TNRC6A: variants seen among roughly 807,000 people sequenced by gnomAD.
TNRC6A encodes the protein trinucleotide repeat-containing gene 6A protein.
Under a neutral mutation model 221.2 loss-of-function variants are expected in TNRC6A, and 44 were observed. The observed-to-expected ratio is 0.20, with a 90% CI of 0.16 to 0.26. The LOEUF is 0.26. TNRC6A is among the 10% of genes least tolerant of loss of function. The pLI, the probability that TNRC6A is intolerant of heterozygous loss-of-function variation, is 1.00. For synonymous variants in TNRC6A, 847 were observed against 838.5 expected (o/e 1.01, Z -0.18); for missense variants, 2,199 against 2,404.4 (o/e 0.91, Z 1.79).
At chr16:24,757,520 A>G (rs1004707854) in intron 3 of TNRC6A, among the ~76,000 whole-genome samples, 1 of 152,168 alleles carries the variant, frequency 6.6e-6, no homozygotes, top group Non-Finnish European at 1.5e-5. Context: ...GGATTCCCAT[A>G]ATATTGATCT....
chr16:24,729,505 CT>C (rs1378665008), upstream of TNRC6A, among the ~76,000 whole-genome samples: 1 of 151,798 alleles, frequency 6.6e-6, no homozygotes, highest in African/African-American at 2.4e-5. Flanking sequence ...AGGCTGTGAC[CT>C]CCAGGGAGGT....
chr16:24,701,778 A>G (rs2055982281), intron 2 of TNRC6A, among the ~76,000 whole-genome samples: 1 of 152,214 alleles, frequency 6.6e-6, no homozygotes. Context: ...GCCAATAAGA[A>G]AAACATTCTC....
At chr16:24,770,897 A>G (rs1179456566) in intron 4 of TNRC6A, among the ~76,000 whole-genome samples, 2 of 152,212 alleles carry the variant, frequency 1.3e-5, no homozygotes, top group East Asian at 3.8e-4. Context: ...CTCTTTCATG[A>G]GATCCATGAG....
intron 2 of TNRC6A, among the ~76,000 whole-genome samples, chr16:24,713,216 G>C (rs1033082850): frequency 3.9e-5 from 6 of 151,944 alleles, no homozygotes; most frequent in Non-Finnish European, 5.9e-5. Flanking sequence ...CCAGGAGTTC[G>C]AGACCAGCCT....
intron 2 of TNRC6A, among the ~76,000 whole-genome samples, chr16:24,740,118 C>A (rs2056860582): frequency 6.6e-6 from 1 of 152,196 alleles, no homozygotes; most frequent in South Asian, 2.1e-4. Context: ...ACTCTCAATT[C>A]TATTCTGTTG....
chr16:24,766,394 A>C (rs934533989), intron 4 of TNRC6A, among the ~76,000 whole-genome samples: 3 of 152,194 alleles, frequency 2.0e-5, no homozygotes. Flanking sequence ...TGGTTTTGCA[A>C]TATCCTAGCA....
chr16:24,788,979 A>G (rs552838356), intron 5 of TNRC6A, among the ~76,000 whole-genome samples: 3 of 152,226 alleles, frequency 2.0e-5, no homozygotes, highest in South Asian at 2.1e-4. Flanking sequence ...TATGTTAACA[A>G]TGTATTCATT....
chr16:24,727,900 C>G (rs1343691402), upstream of TNRC6A, among the ~76,000 whole-genome samples: 4 of 150,868 alleles, frequency 2.7e-5, no homozygotes, highest in South Asian at 2.1e-4. Context: ...TCGGTGCCCA[C>G]TACATTTTAT....
chr16:24,776,547 A>G, intron 4 of TNRC6A: 2 of 985,488 alleles, frequency 2.0e-6, no homozygotes, highest in Non-Finnish European at 2.4e-6. Flanking sequence ...TTGCCAAGGA[A>G]TAGAGGATTC....
intron 2 of TNRC6A, among the ~76,000 whole-genome samples, chr16:24,708,263 C>T (rs1317093582): frequency 5.6e-5 from 8 of 142,116 alleles, no homozygotes; most frequent in South Asian, 2.4e-4. Context: ...TTTTTTGAGA[C>T]GGAGTCTCGC....
At chr16:24,799,095 G>T (rs1050025439) in intron 11 of TNRC6A, among the ~76,000 whole-genome samples, 1 of 152,202 alleles carries the variant, frequency 6.6e-6, no homozygotes, top group African/African-American at 2.4e-5. Flanking sequence ...GGCGAGGTGA[G>T]CATTGTAGGT....
chr16:24,634,768 G>A (rs1193188282), intron 1 of TNRC6A, among the ~76,000 whole-genome samples: 1 of 152,188 alleles, frequency 6.6e-6, no homozygotes, highest in Non-Finnish European at 1.5e-5. Flanking sequence ...GGGTGGGGCA[G>A]CATCAGCCCC....
At chr16:24,610,719 C>T (rs1388654377) in intron 1 of TNRC6A, among the ~76,000 whole-genome samples, 7 of 152,092 alleles carry the variant, frequency 4.6e-5, no homozygotes, top group Admixed American at 3.9e-4. Flanking sequence ...CCTTCCCAGC[C>T]CATCTTATTC....
chr16:24,616,933 T>C (rs1900385492), intron 1 of TNRC6A, among the ~76,000 whole-genome samples: 1 of 150,896 alleles, frequency 6.6e-6, no homozygotes, highest in Non-Finnish European at 1.5e-5. Context: ...AAAAACAAAA[T>C]GTGTATTCTG....
intron 2 of TNRC6A, among the ~76,000 whole-genome samples, chr16:24,708,393 A>G (rs568966792): frequency 1.4e-4 from 21 of 151,928 alleles, no homozygotes; most frequent in Non-Finnish European, 2.6e-4. Context: ...GGCACCCGCC[A>G]CCACGCCCGG....
intron 1 of TNRC6A, among the ~76,000 whole-genome samples, chr16:24,631,050 T>C (rs4787646): frequency 0.44 from 67,051 of 151,796 alleles, 15,123 homozygotes; most frequent in Middle Eastern, 0.54. Context: ...CAGCCCTCCC[T>C]GCGCCAATTC....
chr16:24,729,483 G>C (rs1344812995), upstream of TNRC6A, among the ~76,000 whole-genome samples: 1 of 151,726 alleles, frequency 6.6e-6, no homozygotes, highest in Non-Finnish European at 1.5e-5. Context: ...GCCACTCCGC[G>C]GGGCGCCTCG....
At chr16:24,652,076 C>T (rs1902700834) in intron 2 of TNRC6A, among the ~76,000 whole-genome samples, 1 of 151,120 alleles carries the variant, frequency 6.6e-6, no homozygotes, top group Admixed American at 6.6e-5. Context: ...AAGAAGAATG[C>T]ATGTATGTAT....
chr16:24,801,353 G>GA (rs1206525673), intron 11 of TNRC6A, among the ~76,000 whole-genome samples: 3 of 152,122 alleles, frequency 2.0e-5, no homozygotes, highest in Non-Finnish European at 2.9e-5. Context: ...GTTTTGAAAA[G>GA]AAAAAACTGA....
Sources: allele counts gnomAD v4.1 joint callset (sites outside exome capture counted in the v4.1 genomes callset), GRCh38; gene constraint gnomAD v4.1.1; transcripts MANE v1.5; gene names NCBI Gene and HGNC (gene_info 2026-07-23, HGNC 2026-07-21).